Variants in GNG2 observed in about 807,000 individuals in gnomAD.
GNG2 encodes the protein guanine nucleotide-binding protein G(I)/G(S)/G(O) subunit gamma-2.
A neutral mutation model predicts 5.5 loss-of-function variants in GNG2; 5 were observed. The ratio of observed to expected loss-of-function variants is 0.91; its 90% CI spans 0.48 to 1.92. The LOEUF (loss-of-function observed/expected upper bound fraction) is 1.92. GNG2 is among the 30% of genes most tolerant of loss of function. The probability of loss-of-function intolerance (pLI) is 0.01; values close to 1 mark genes in which losing one functional copy is unlikely to be tolerated. For missense variants in GNG2, 55 were observed against 88.4 expected (o/e 0.62, Z 1.52); for synonymous variants, 28 against 32.0 (o/e 0.88, Z 0.42).
chr14:51,862,345 G>A (rs1471310542), intron 1 of GNG2, among the ~76,000 whole-genome samples: 4 of 152,186 alleles, frequency 2.6e-5, no homozygotes, highest in African/African-American at 4.8e-5. Flanking sequence ...AAAACAAGTC[G>A]TGACATGGAT....
rs1890016441 is a variant in GNG2 at position 51,967,930 on chromosome 14, T to C, written c.*1243T>C. 6.6e-6 allele frequency: 1 copy of C among 152,170 alleles called. No homozygotes were observed. Among genetic ancestry groups the C allele is most frequent in the Non-Finnish European group, 1.5e-5 (1 of 68,040 alleles). 9.4% of individuals were successfully genotyped at this position (152,170 alleles called of 1,614,324 possible). On this transcript the variant is annotated 3_prime_UTR_variant, in exon 4 of 4. Transcript: ENST00000556766. Reference sequence around the variant, plus strand: ...TTCTCAGAACTCCAGCTATTCACTCTCCAGGGAGAAGGACCTCAAATCGCC... The same window carrying C: ...TTCTCAGAACTCCAGCTATTCACTCCCCAGGGAGAAGGACCTCAAATCGCC...
At chr14:51,878,511 T>A (rs1203912069) in intron 2 of GNG2, among the ~76,000 whole-genome samples, 2 of 152,180 alleles carry the variant, frequency 1.3e-5, no homozygotes, top group Non-Finnish European at 2.9e-5. Flanking sequence ...TTTACATAAC[T>A]GTTTAGGGGA....
intron 2 of GNG2, among the ~76,000 whole-genome samples, chr14:51,835,360 A>C (rs1881301734): frequency 6.6e-6 from 1 of 152,222 alleles, no homozygotes; most frequent in Non-Finnish European, 1.5e-5. Context: ...AGTAGGAGAA[A>C]CATTACTATT....
At chr14:51,932,723 A>T (rs750529519) in intron 2 of GNG2, among the ~76,000 whole-genome samples, 7 of 152,258 alleles carry the variant, frequency 4.6e-5, no homozygotes, top group Non-Finnish European at 7.3e-5. Flanking sequence ...AAAGGAAGCC[A>T]TCCATTGTGT....
intron 2 of GNG2, among the ~76,000 whole-genome samples, chr14:51,888,424 T>C (rs1196565323): frequency 6.6e-6 from 1 of 152,066 alleles, no homozygotes; most frequent in African/African-American, 2.4e-5. Context: ...GCTTGAGCGA[T>C]CCTCCCACCT....
chr14:51,913,963 A>G, intron 2 of GNG2: 1 of 481,922 alleles, frequency 2.1e-6, no homozygotes, highest in East Asian at 3.5e-5. Context: ...TTCATTTCAT[A>G]TATATGAAAA....
At chr14:51,830,725 T>C (rs1881162563) in intron 2 of GNG2, among the ~76,000 whole-genome samples, 1 of 152,234 alleles carries the variant, frequency 6.6e-6, no homozygotes, top group African/African-American at 2.4e-5. Context: ...CCAATGTTTT[T>C]GACCTGAATT....
chr14:51,929,758 G>T (rs1461845856), intron 2 of GNG2, among the ~76,000 whole-genome samples: 6 of 152,080 alleles, frequency 3.9e-5, no homozygotes, highest in Non-Finnish European at 8.8e-5. Flanking sequence ...CTCTACCCTT[G>T]GTAGGGTGGA....
intron 2 of GNG2, among the ~76,000 whole-genome samples, chr14:51,887,737 A>C (rs956660526): frequency 1.3e-5 from 2 of 152,210 alleles, no homozygotes; most frequent in Non-Finnish European, 2.9e-5. Context: ...CAAATTACTG[A>C]ACTTTCTCAA....
At chr14:51,828,521 T>G (rs1433531589) in intron 2 of GNG2, among the ~76,000 whole-genome samples, 1 of 152,150 alleles carries the variant, frequency 6.6e-6, no homozygotes, top group African/African-American at 2.4e-5. Flanking sequence ...AACAAGGAGA[T>G]AATCACAAAA....
intron 2 of GNG2, among the ~76,000 whole-genome samples, chr14:51,908,786 G>C (rs1886117010): frequency 7.6e-6 from 1 of 130,942 alleles, no homozygotes; most frequent in Admixed American, 9.3e-5. Context: ...CACCATGTTG[G>C]CCAGGCTGGC....
intron 2 of GNG2, among the ~76,000 whole-genome samples, chr14:51,942,810 A>G (rs1258443470): frequency 6.6e-6 from 1 of 151,942 alleles, no homozygotes; most frequent in African/African-American, 2.4e-5. Flanking sequence ...ATTCAAATTT[A>G]AAGAAGTGTA....
chr14:51,892,559 C>G (rs928119104), intron 2 of GNG2, among the ~76,000 whole-genome samples: 3 of 152,156 alleles, frequency 2.0e-5, no homozygotes, highest in Admixed American at 6.5e-5. Context: ...TCAGCCTACT[C>G]CCAAAGTGCC....
rs531833460 is a variant in GNG2 at position 51,845,924 on chromosome 14, C to T, written c.64+18117C>T. Among the ~76,000 whole-genome samples, 236 of 152,180 alleles carry T rather than the reference C, an allele frequency of 1.6e-3. 2 individuals are homozygous for T. Among genetic ancestry groups the T allele is most frequent in the African/African-American group, 5.1e-3 (213 of 41,492 alleles). ...ATCCATCCTCTTTGTGCTCTGTAGT[C>T]CCCCGGGCACAGAGTTTTGTCTCGA... On this transcript the variant is annotated intron_variant, in intron 2 of 3. Coordinates refer to the GNG2 transcript ENST00000553432.
At chr14:51,827,889 A>G (rs1039491626) in intron 2 of GNG2, 5 of 614,010 alleles carry the variant, frequency 8.1e-6, no homozygotes, top group Middle Eastern at 5.1e-4. Flanking sequence ...AATGGTGGAA[A>G]GAGTAAAGAG....
At chr14:51,878,408 G>T (rs1775185362) in intron 2 of GNG2, among the ~76,000 whole-genome samples, 1 of 152,166 alleles carries the variant, frequency 6.6e-6, no homozygotes, top group Non-Finnish European at 1.5e-5. Flanking sequence ...TCAACTCGTG[G>T]CTGGGATTGT....
At chr14:51,929,913 A>G (rs1204504750) in intron 2 of GNG2, among the ~76,000 whole-genome samples, 1 of 152,192 alleles carries the variant, frequency 6.6e-6, no homozygotes, top group Non-Finnish European at 1.5e-5. Context: ...CTAGGATGAT[A>G]TTATCTGTCC....
intron 2 of GNG2, among the ~76,000 whole-genome samples, chr14:51,949,075 C>T (rs775474830): frequency 1.3e-4 from 19 of 149,844 alleles, no homozygotes; most frequent in African/African-American, 4.2e-4. Flanking sequence ...GAGCCGAGAT[C>T]GCGCCACTGC....
At chr14:51,946,527 T>TG (rs1328207504) in intron 2 of GNG2, among the ~76,000 whole-genome samples, 3 of 152,146 alleles carry the variant, frequency 2.0e-5, no homozygotes, top group African/African-American at 7.2e-5. Context: ...AGCATCAAAA[T>TG]GTGTACAGTT....
Sources: allele counts gnomAD v4.1 joint callset (sites outside exome capture counted in the v4.1 genomes callset), GRCh38; gene constraint gnomAD v4.1.1; transcripts MANE v1.5; gene names NCBI Gene and HGNC (gene_info 2026-07-23, HGNC 2026-07-21).